The following MFSD2B variants were observed in gnomAD, a reference collection of about 807,000 sequenced individuals.
The protein encoded by MFSD2B is sphingosine-1-phosphate transporter MFSD2B.
A neutral mutation model predicts 58.4 loss-of-function variants in MFSD2B; 56 were observed. That is an observed-to-expected ratio of 0.96 (90% confidence interval 0.77 to 1.20). The LOEUF is 1.20. Ranked by LOEUF, MFSD2B falls within the 50% of genes most tolerant of loss-of-function variation. MFSD2B has a pLI of 0.00. For missense variants in MFSD2B, 645 were observed against 667.6 expected (o/e 0.97, Z 0.37); for synonymous variants, 287 against 294.4 (o/e 0.97, Z 0.26).
Position 24,023,969 on chromosome 2 carries a change from T to C in MFSD2B, c.1314-126T>C, listed in dbSNP as rs750138210. 2.0e-5 allele frequency: 21 copies of C among 1,066,104 alleles called. No individual in the cohort carries two copies. Among genetic ancestry groups the C allele is most frequent in the Non-Finnish European group, 2.7e-5 (20 of 734,906 alleles). 66.0% of individuals were successfully genotyped at this position (1,066,104 alleles called of 1,614,324 possible). ...GCCTGTCACCTTGACACTCCTCTCC[T>C]GATCTGACCAGGAAATGAAGTCCAC... is the stretch of plus-strand genomic sequence containing the variant. On this transcript the variant is annotated intron_variant, in intron 12 of 13. Transcript: ENST00000338315. The surrounding 1 kb of genome is among the most constrained non-coding windows in gnomAD (Gnocchi z 5.0).
rs1709171337 is a variant in MFSD2B, at chr2:24,016,980, C to T, written c.471+12C>T. The T allele has an allele frequency of 1.9e-6, 3 of 1,613,254 alleles. No individual in the cohort carries two copies. The highest frequency in any genetic ancestry group is 3.3e-5 in the Admixed American group (2 of 60,014). ...AGGCCCTGGCCACGGTAAGCAGGGCCCCTTCCTGGGCCTGTGCTCTGGCGA... is the reference window on the plus strand; with the variant it reads ...AGGCCCTGGCCACGGTAAGCAGGGCTCCTTCCTGGGCCTGTGCTCTGGCGA... On this transcript the variant is annotated intron_variant, in intron 4 of 13. Transcript: ENST00000338315.
Position 24,023,466 on chromosome 2 carries a change from G to C in MFSD2B, c.1170-117G>C, listed in dbSNP as rs1219859015. 7.8e-7 allele frequency: 1 copy of C among 1,283,962 alleles called. No homozygotes were observed. The allele number at this position is 1,283,962 out of a possible 1,614,324, so 79.5% of individuals were successfully genotyped here. A position where few individuals can be genotyped will look rare whatever the true frequency, so the allele number is the denominator to read the frequency against. ...AGGCCATCTGCTTCTCTGGTGGCCA[G>C]TCTGGTCCTGGGCACAGAACTCAGG... is the stretch of plus-strand genomic sequence containing the variant. On this transcript the variant is annotated intron_variant, in intron 11 of 13. Transcript: ENST00000338315. The surrounding 1 kb of genome is among the most constrained non-coding windows in gnomAD (Gnocchi z 5.0).
At position 24,021,856 on chromosome 2, in the gene MFSD2B, T is replaced by C; in HGVS notation, c.780T>C (p.Ser260=). The C allele has an allele frequency of 6.2e-7, 1 of 1,613,946 alleles. No homozygotes were observed. The highest frequency in any genetic ancestry group is 1.1e-5 in the South Asian group (1 of 91,086). Residue 260 remains serine, a synonymous_variant, in exon 8 of 14, where the codon TCT becomes TCC. Transcript: ENST00000338315. This position sits in a 1 kb window ranked among gnomAD's most constrained non-coding sequence, Gnocchi z 5.7. ...CLGVKERPDP[S]APASGPGLSF... ...CACGCTTCTGCGTTGCAGACCCCTC[T>C]GCCCCAGCCTCAGGCCCAGGCTTGA...
In MFSD2B at chr2:24,020,707, A is replaced by G. The variant is rs1397494531; in HGVS notation, c.682-941A>G. The stretch of plus-strand genomic sequence containing the variant: ...CCCTAGTAGCTGGGACTGCAGGTGC[A>G]TGCACACCACCACACCTGGCTAATT... On this transcript the variant is annotated intron_variant, in intron 6 of 13. Coordinates refer to ENST00000338315, the MANE Select transcript of MFSD2B (RefSeq NM_001346880.2). This position sits in a 1 kb window ranked among gnomAD's most constrained non-coding sequence, Gnocchi z 4.1. Among the ~76,000 whole-genome samples, 2 of 151,746 alleles carry G rather than the reference A, an allele frequency of 1.3e-5. No individual in the cohort carries two copies. Among genetic ancestry groups the G allele is most frequent in the African/African-American group, 4.8e-5 (2 of 41,304 alleles).
Position 24,024,004 on chromosome 2 carries a change from G to A in MFSD2B, c.1314-91G>A. The A allele has an allele frequency of 7.7e-7, 1 of 1,305,300 alleles. No homozygotes were observed. The highest frequency in any genetic ancestry group is 1.1e-6 in the Non-Finnish European group (1 of 930,844). 80.9% of individuals were successfully genotyped at this position (1,305,300 alleles called of 1,614,324 possible). A position where few individuals can be genotyped will look rare whatever the true frequency, so the allele number is the denominator to read the frequency against. ...AGGAAATGAAGTCCACGTTTCAGGA[G>A]GGGGTGGGGTGGGGTGAGGTGTCGA... On this transcript the variant is annotated intron_variant, in intron 12 of 13. Transcript: ENST00000338315. The surrounding 1 kb of genome is among the most constrained non-coding windows in gnomAD (Gnocchi z 4.3).
chr2:24,011,951 C>A (rs2150936572), intron 1 of MFSD2B, among the ~76,000 whole-genome samples: 1 of 152,172 alleles, frequency 6.6e-6, no homozygotes, highest in Middle Eastern at 3.4e-3. Flanking sequence ...AGGGCAAAGG[C>A]CCTGAGGCAG....
Position 24,021,901 on chromosome 2 carries a change from C to T in MFSD2B, c.825C>T (p.Ser275=), listed in dbSNP as rs1372862180. 1.2e-6 allele frequency: 2 copies of T among 1,613,992 alleles called. No homozygotes were observed. Among genetic ancestry groups the T allele is most frequent in the South Asian group, 1.1e-5 (1 of 91,080 alleles). Residue 275 remains serine, a synonymous_variant, in exon 8 of 14, where the codon AGC becomes AGT. Coordinates refer to ENST00000338315, the MANE Select transcript of MFSD2B (RefSeq NM_001346880.2). The surrounding 1 kb of genome is among the most constrained non-coding windows in gnomAD (Gnocchi z 5.7). ...GPGLSFLAGL[S]LTTRHPPYLK... is the part of the protein sequence containing the mutation. ...GCTTGAGTTTCCTGGCTGGGCTGAG[C>T]CTCACTACCCGGCACCCACCCTACC...
chr2:24,025,383 G>A (rs919412951), intron 13 of MFSD2B, 49 bp from the exon 14 acceptor site: 14 of 1,523,510 alleles, frequency 9.2e-6, no homozygotes, highest in African/African-American at 1.4e-5. Context: ...CAGGACAGAG[G>A]GCCCACACCA....
rs1662981844 is a variant in MFSD2B, at chr2:24,026,488, A to C, written c.*1032A>C. 1 of 152,230 alleles carries C rather than the reference A, an allele frequency of 6.6e-6. No homozygotes were observed. Among genetic ancestry groups the C allele is most frequent in the Non-Finnish European group, 1.5e-5 (1 of 68,044 alleles). The allele number at this position is 152,230 out of a possible 1,614,324, so 9.4% of individuals were successfully genotyped here. A position where few individuals can be genotyped will look rare whatever the true frequency, so the allele number is the denominator to read the frequency against. On this transcript the variant is annotated 3_prime_UTR_variant, in exon 14 of 14. Transcript: ENST00000338315. ...CAGAGAAACCAACCATGTGATTAGAAGGTTGAAACTTTCAGCCTTATCTTC... is the reference window on the plus strand; with the variant it reads ...CAGAGAAACCAACCATGTGATTAGACGGTTGAAACTTTCAGCCTTATCTTC...
Position 24,022,905 on chromosome 2 carries a change from G to A in MFSD2B, c.1059+3G>A, listed in dbSNP as rs764976395. 1.2e-6 allele frequency: 2 copies of A among 1,608,108 alleles called. No individual in the cohort carries two copies. The highest frequency in any genetic ancestry group is 1.7e-5 in the Admixed American group (1 of 58,878). The stretch of plus-strand genomic sequence containing the variant: ...AGACGTCAGCCTTTGGGATCTTTGT[G>A]AGTGAGGCGGGAATCAAGGATTGGG... On this transcript the variant is annotated splice_donor_region_variant and intron_variant, in intron 10 of 13. Transcript: ENST00000338315. The surrounding 1 kb of genome is among the most constrained non-coding windows in gnomAD (Gnocchi z 4.5).
intron 13 of MFSD2B, 107 bp from the exon 14 acceptor site, chr2:24,025,325 G>A: frequency 3.1e-6 from 3 of 961,122 alleles, no homozygotes; most frequent in Non-Finnish European, 4.8e-6. Context: ...AAGAGGAGTT[G>A]CTGGGAAGAC....
In MFSD2B at chr2:24,022,674, T is replaced by A. The variant is rs1662838142; in HGVS notation, c.979-148T>A. ...CCTGCATTCCAGCAGAGGGTAGAAT[T>A]GGGGCCAGGATTACAACATTCATAG... On this transcript the variant is annotated intron_variant, in intron 9 of 13. Transcript: ENST00000338315. The surrounding 1 kb of genome is among the most constrained non-coding windows in gnomAD (Gnocchi z 4.5). The A allele has an allele frequency of 7.3e-6, 6 of 826,372 alleles. No homozygotes were observed. Among genetic ancestry groups the A allele is most frequent in the Non-Finnish European group, 1.1e-5 (6 of 533,410 alleles). 51.2% of individuals were successfully genotyped at this position (826,372 alleles called of 1,614,324 possible).
Position 24,024,153 on chromosome 2 carries a change from A to T in MFSD2B, c.1372A>T (p.Lys458Ter). ...AGCAGAGGAGGTGGTGGTCACCCTC[A>T]AAGTCCTCATTGGCGCCGTGCCCAC... is the stretch of plus-strand genomic sequence containing the variant. ...KQAEEVVVTL[K>*]VLIGAVPTCM... Residue 458 changes from lysine to a stop codon, truncating the protein, a stop_gained, in exon 13 of 14, where the codon AAA becomes TAA. Transcript: ENST00000338315. LOFTEE classifies it high-confidence loss of function. This position sits in a 1 kb window ranked among gnomAD's most constrained non-coding sequence, Gnocchi z 4.3. The T allele has an allele frequency of 1.2e-6, 2 of 1,613,872 alleles. No homozygotes were observed. Among genetic ancestry groups the T allele is most frequent in the Non-Finnish European group, 1.7e-6 (2 of 1,179,830 alleles).
Position 24,023,980 on chromosome 2 carries a change from G to T in MFSD2B, c.1314-115G>T. 1 of 1,140,936 alleles carries T rather than the reference G, an allele frequency of 8.8e-7. No individual in the cohort carries two copies. The highest frequency in any genetic ancestry group is 1.4e-5 in the South Asian group (1 of 69,644). The allele number at this position is 1,140,936 out of a possible 1,614,324, so 70.7% of individuals were successfully genotyped here. On this transcript the variant is annotated intron_variant, in intron 12 of 13. Coordinates refer to ENST00000338315, the MANE Select transcript of MFSD2B (RefSeq NM_001346880.2). This position sits in a 1 kb window ranked among gnomAD's most constrained non-coding sequence, Gnocchi z 5.0. ...TGACACTCCTCTCCTGATCTGACCA[G>T]GAAATGAAGTCCACGTTTCAGGAGG...
chr2:24,010,633 A>G (rs1573627825), intron 1 of MFSD2B, among the ~76,000 whole-genome samples: 1 of 152,142 alleles, frequency 6.6e-6, no homozygotes, highest in East Asian at 1.9e-4. Flanking sequence ...CCTTGGAGGC[A>G]GCCTCAGGGA....
chr2:24,021,090 G>T lies in MFSD2B; in HGVS notation c.682-558G>T, dbSNP rs986359418. Among the ~76,000 whole-genome samples the T allele has an allele frequency of 2.6e-5, 4 of 151,710 alleles. No homozygotes were observed. Among genetic ancestry groups the T allele is most frequent in the Admixed American group, 1.3e-4 (2 of 15,232 alleles). ...TGTTTGTATTTTTAGTAGAGATGGG[G>T]TTTCACGATGTTGGCCAGGCTGGTC... On this transcript the variant is annotated intron_variant, in intron 6 of 13. Transcript: ENST00000338315. This position sits in a 1 kb window ranked among gnomAD's most constrained non-coding sequence, Gnocchi z 5.7.
chr2:24,013,702 C>T (rs1709037153), intron 2 of MFSD2B, among the ~76,000 whole-genome samples: 1 of 151,664 alleles, frequency 6.6e-6, no homozygotes, highest in South Asian at 2.1e-4. Context: ...GGCGGGACGG[C>T]TTTGAATGCG....
intron 6 of MFSD2B, among the ~76,000 whole-genome samples, chr2:24,018,059 G>A (rs528774475): frequency 2.0e-5 from 3 of 152,188 alleles, no homozygotes; most frequent in East Asian, 1.9e-4. Context: ...CTTTCACGGC[G>A]GGTCCCTTCA....
chr2:24,013,763 T>G lies in MFSD2B; in HGVS notation c.222+353T>G, dbSNP rs528218124. ...TTAAAACAGTATGAATTTTTTTGTT[T>G]TTTTTTTTTTTTAGCTCATTAGCTA... On this transcript the variant is annotated intron_variant, in intron 2 of 13. Transcript: ENST00000338315. Among the ~76,000 whole-genome samples the G allele has an allele frequency of 1.8e-4, 6 of 32,598 alleles. No individual in the cohort carries two copies. In the South Asian group the frequency reaches 4.8e-3, roughly 26 times the overall value. The allele number at this position is 32,598 out of a possible 152,430, so 21.4% of individuals were successfully genotyped here. A position where few individuals can be genotyped will look rare whatever the true frequency, so the allele number is the denominator to read the frequency against.
Sources: allele counts gnomAD v4.1 joint callset (sites outside exome capture counted in the v4.1 genomes callset), GRCh38; gene constraint gnomAD v4.1.1; non-coding constraint Gnocchi (gnomAD v3.1); transcripts MANE v1.5; gene names NCBI Gene and HGNC (gene_info 2026-07-23, HGNC 2026-07-21).